The following SGK1 variants were observed in gnomAD, a reference collection of about 807,000 sequenced individuals.
SGK1 encodes serum/glucocorticoid regulated kinase 1, also known as serine/threonine-protein kinase Sgk1.
A neutral mutation model predicts 64.2 loss-of-function variants in SGK1; 26 were observed. The observed-to-expected ratio is 0.40, with a 90% confidence interval of 0.30 to 0.56. SGK1 has a LOEUF of 0.56. SGK1 is among the 20% of genes least tolerant of loss of function. The pLI is 0.38. For missense variants in SGK1, 519 were observed against 645.6 expected (o/e 0.80, Z 2.12); for synonymous variants, 265 against 239.7 (o/e 1.11, Z -0.98).
chr6:134,227,413 C>T (rs1264254314), intron 2 of SGK1, among the ~76,000 whole-genome samples: 4 of 152,168 alleles, frequency 2.6e-5, no homozygotes, highest in African/African-American at 4.8e-5. Flanking sequence ...GGATTACAGG[C>T]GTGGGCCACC....
intron 1 of SGK1, among the ~76,000 whole-genome samples, chr6:134,287,484 G>A (rs1272611850): frequency 6.7e-6 from 1 of 148,434 alleles, no homozygotes; most frequent in African/African-American, 2.5e-5. Flanking sequence ...ATTTTGAGTT[G>A]TAGGAGTAAG....
chr6:134,280,263 C>G (rs1354677690), intron 1 of SGK1, among the ~76,000 whole-genome samples: 1 of 150,672 alleles, frequency 6.6e-6, no homozygotes, highest in East Asian at 1.9e-4. Flanking sequence ...TGCCTTTTCT[C>G]TGTATAAGGA....
At chr6:134,316,801 T>G (rs149823163) in intron 1 of SGK1, among the ~76,000 whole-genome samples, 2 of 140,110 alleles carry the variant, frequency 1.4e-5, no homozygotes, top group Non-Finnish European at 3.1e-5. Flanking sequence ...AAGCAAAAAT[T>G]GAGGCAACTT....
At chr6:134,302,413 C>T (rs1312706734) in intron 1 of SGK1, among the ~76,000 whole-genome samples, 2 of 152,204 alleles carry the variant, frequency 1.3e-5, no homozygotes, top group African/African-American at 2.4e-5. Context: ...TCACTACTTC[C>T]TAAGCCTATA....
intron 2 of SGK1, among the ~76,000 whole-genome samples, chr6:134,241,101 G>A (rs1180357194): frequency 6.8e-6 from 1 of 147,186 alleles, no homozygotes; most frequent in Non-Finnish European, 1.5e-5. Flanking sequence ...TCAGACTGGA[G>A]TGCAGTGGCA....
intron 1 of SGK1, among the ~76,000 whole-genome samples, chr6:134,290,453 A>T (rs563502973): frequency 6.6e-6 from 1 of 151,900 alleles, no homozygotes; most frequent in Non-Finnish European, 1.5e-5. Context: ...AAGACAAATG[A>T]CAGCAATACA....
At chr6:134,297,998 C>G in intron 1 of SGK1, 2 of 832,426 alleles carry the variant, frequency 2.4e-6, no homozygotes, top group Non-Finnish European at 4.2e-6. Context: ...GCATCACAGA[C>G]GTATCCGAGA....
chr6:134,190,630 C>T (rs1168883146), intron 3 of SGK1, among the ~76,000 whole-genome samples: 1 of 152,126 alleles, frequency 6.6e-6, no homozygotes, highest in Non-Finnish European at 1.5e-5. Context: ...CTGTTCTCTT[C>T]CCACCTCCCA....
At chr6:134,207,094 C>A (rs983506880) in intron 3 of SGK1, among the ~76,000 whole-genome samples, 1 of 151,840 alleles carries the variant, frequency 6.6e-6, no homozygotes, top group Non-Finnish European at 1.5e-5. Flanking sequence ...GGCATGGTGG[C>A]GGGCGCCTAC....
chr6:134,317,007 TG>T (rs2114808198), intron 1 of SGK1, among the ~76,000 whole-genome samples: 1 of 152,242 alleles, frequency 6.6e-6, no homozygotes, highest in Non-Finnish European at 1.5e-5. Flanking sequence ...GTAGAAAAGT[TG>T]AACCCTTCAA....
At chr6:134,191,168 C>T (rs755545313) in intron 3 of SGK1, among the ~76,000 whole-genome samples, 2 of 152,164 alleles carry the variant, frequency 1.3e-5, no homozygotes, top group Non-Finnish European at 2.9e-5. Flanking sequence ...ATATTCAATG[C>T]TTTTCTCCCT....
intron 3 of SGK1, among the ~76,000 whole-genome samples, chr6:134,178,320 C>T (rs1775279897): frequency 1.3e-5 from 2 of 152,086 alleles, no homozygotes; most frequent in African/African-American, 2.4e-5. Flanking sequence ...TTCTTCCAAC[C>T]GGATACGTGA....
chr6:134,175,501 G>C, intron 3 of SGK1: 1 of 1,426,906 alleles, frequency 7.0e-7, no homozygotes, highest in Non-Finnish European at 9.3e-7. Context: ...GCCGCTCTGG[G>C]GAAGTGAGCC....
chr6:134,179,315 T>A (rs1775296719), intron 3 of SGK1, among the ~76,000 whole-genome samples: 1 of 152,108 alleles, frequency 6.6e-6, no homozygotes, highest in Admixed American at 6.6e-5. Context: ...AGAGTTTAAG[T>A]TCCCATACTT....
rs750788177 is a variant in SGK1, at chr6:134,262,193, C to A, written c.70-45G>T. 5 of 1,396,132 alleles carry A rather than the reference C, an allele frequency of 3.6e-6. No homozygotes were observed. The African/African-American group carries it at 5.7e-5, about 16-fold the overall frequency. The allele number at this position is 1,396,132 out of a possible 1,614,324, so 86.5% of individuals were successfully genotyped here. A position where few individuals can be genotyped will look rare whatever the true frequency, so the allele number is the denominator to read the frequency against. On this transcript the variant is annotated intron_variant, in intron 1 of 13. Coordinates refer to ENST00000367858, the MANE Select transcript of SGK1 (RefSeq NM_001143676.3). ...AGAAAAAACAAATGTGTTTGACTCC[C>A]TTTGATGTTTATTGGGGATTTGGTG...
At chr6:134,295,487 T>C (rs997984050) in intron 1 of SGK1, among the ~76,000 whole-genome samples, 1 of 152,126 alleles carries the variant, frequency 6.6e-6, no homozygotes, top group Non-Finnish European at 1.5e-5. Context: ...GTGGATAACC[T>C]GAGGTCAGGA....
intron 1 of SGK1, among the ~76,000 whole-genome samples, chr6:134,281,189 C>T (rs1407612959): frequency 2.0e-5 from 3 of 152,148 alleles, no homozygotes; most frequent in African/African-American, 7.2e-5. Flanking sequence ...CTTTCTTATC[C>T]ACCTACCCGT....
At chr6:134,267,835 A>G (rs1038463309) in intron 1 of SGK1, among the ~76,000 whole-genome samples, 1 of 152,102 alleles carries the variant, frequency 6.6e-6, no homozygotes, top group Non-Finnish European at 1.5e-5. Context: ...ACAAAAATGA[A>G]TCCAGCAACA....
chr6:134,213,406 A>G (rs1402897003), intron 2 of SGK1, among the ~76,000 whole-genome samples: 2 of 151,950 alleles, frequency 1.3e-5, no homozygotes, highest in Non-Finnish European at 2.9e-5. Flanking sequence ...CTGTAATCCT[A>G]GCTACTCTGA....
Sources: allele counts gnomAD v4.1 joint callset (sites outside exome capture counted in the v4.1 genomes callset), GRCh38; gene constraint gnomAD v4.1.1; transcripts MANE v1.5; gene names NCBI Gene and HGNC (gene_info 2026-07-23, HGNC 2026-07-21).